Variants in GLO1 observed in about 807,000 individuals in gnomAD.
The protein encoded by GLO1 is lactoylglutathione lyase.
In GLO1, 28 loss-of-function variants were observed where a neutral mutation model predicts 26.0. The observed-to-expected ratio is 1.08, with a 90% CI of 0.80 to 1.48. The LOEUF (loss-of-function observed/expected upper bound fraction) is 1.48. Ranked by LOEUF, GLO1 falls within the 40% of genes most tolerant of loss-of-function variation. GLO1 has a pLI of 0.00. For synonymous variants in GLO1, 78 were observed against 77.6 expected (o/e 1.00, Z -0.03); for missense variants, 225 against 224.8 (o/e 1.00, Z -0.01).
chr6:38,679,492 T>TAG (rs1187708033), intron 5 of GLO1, among the ~76,000 whole-genome samples: 14 of 152,220 alleles, frequency 9.2e-5, no homozygotes, highest in Admixed American at 7.2e-4. Flanking sequence ...AAGGACTATT[T>TAG]AGACATGTAA....
At chr6:38,690,098 A>G (rs1761510376) in intron 1 of GLO1, among the ~76,000 whole-genome samples, 1 of 152,174 alleles carries the variant, frequency 6.6e-6, no homozygotes, top group African/African-American at 2.4e-5. Flanking sequence ...ATATTCTTTG[A>G]CCAAGATGTT....
intron 1 of GLO1, among the ~76,000 whole-genome samples, chr6:38,702,162 C>T (rs1313555182): frequency 6.6e-6 from 1 of 151,996 alleles, no homozygotes; most frequent in African/African-American, 2.4e-5. Flanking sequence ...CTCTTGACCT[C>T]GTGATCCGCC....
Position 38,696,016 on chromosome 6 carries a change from CA to C in GLO1, c.84+6954del, listed in dbSNP as rs1370839932. 6.6e-5 allele frequency among the ~76,000 whole-genome samples: 10 copies of C among 152,252 alleles called. No homozygotes were observed. In the East Asian group the frequency reaches 1.9e-3, roughly 29 times the overall value. Reference sequence around the variant, plus strand: ...CTTCTCACCACCTTTCAGAGTCTTCCAATGTTTGTCTTATATATCATGTCCA... The same window carrying C: ...CTTCTCACCACCTTTCAGAGTCTTCCATGTTTGTCTTATATATCATGTCCA... On this transcript the variant is annotated intron_variant, in intron 1 of 5. Transcript: ENST00000373365.
intron 2 of GLO1, among the ~76,000 whole-genome samples, chr6:38,685,915 G>A (rs192960326): frequency 9.6e-4 from 146 of 152,314 alleles, no homozygotes; most frequent in African/African-American, 3.2e-3. Context: ...GGGATTTGGA[G>A]CTAGTAACTT....
intron 5 of GLO1, among the ~76,000 whole-genome samples, chr6:38,678,990 G>A (rs970468146): frequency 1.3e-5 from 2 of 150,554 alleles, no homozygotes; most frequent in East Asian, 1.9e-4. Context: ...TTAGAATAGC[G>A]AACAGTTGCA....
chr6:38,700,709 C>T (rs780491535), intron 1 of GLO1, among the ~76,000 whole-genome samples: 3 of 151,946 alleles, frequency 2.0e-5, no homozygotes, highest in East Asian at 1.9e-4. Context: ...CCCAGTATCC[C>T]CAAAGTACTT....
At position 38,681,305 on chromosome 6, in the gene GLO1, G is replaced by A. The variant is rs187745102; in HGVS notation, c.466+707C>T. On this transcript the variant is annotated intron_variant, in intron 5 of 5. Coordinates refer to ENST00000373365, the MANE Select transcript of GLO1 (RefSeq NM_006708.3). ...TCTGGATCTCCTGACCTCGTGATCC[G>A]CCCGCCTTGGCCTCCCAAAGTGTTG... Among the ~76,000 whole-genome samples the A allele has an allele frequency of 1.7e-4, 26 of 152,254 alleles. No homozygotes were observed. In the South Asian group the frequency reaches 1.9e-3, roughly 11 times the overall value.
At chr6:38,695,391 A>G (rs1761595621) in intron 1 of GLO1, among the ~76,000 whole-genome samples, 1 of 151,954 alleles carries the variant, frequency 6.6e-6, no homozygotes, top group Non-Finnish European at 1.5e-5. Flanking sequence ...ATATGTATAC[A>G]CACACACACA....
intron 1 of GLO1, among the ~76,000 whole-genome samples, chr6:38,696,668 G>T (rs892973005): frequency 2.0e-5 from 3 of 152,118 alleles, no homozygotes; most frequent in Non-Finnish European, 4.4e-5. Flanking sequence ...CAGGGATTAG[G>T]ATTTCAACAC....
At chr6:38,678,870 TA>T (rs3839537) in intron 5 of GLO1, among the ~76,000 whole-genome samples, 5,711 of 152,272 alleles carry the variant, frequency 0.038, 153 homozygotes, top group Admixed American at 0.071. Flanking sequence ...GTCTCATTTC[TA>T]GGTGCCTAGG....
chr6:38,696,258 CA>C (rs2127548586), intron 1 of GLO1, among the ~76,000 whole-genome samples: 1 of 151,464 alleles, frequency 6.6e-6, no homozygotes, highest in African/African-American at 2.4e-5. Flanking sequence ...TTTCTCCCTA[CA>C]AAATCTCAAA....
At position 38,699,691 on chromosome 6, in the gene GLO1, C is replaced by T. The variant is rs545025381; in HGVS notation, c.84+3280G>A. On this transcript the variant is annotated intron_variant, in intron 1 of 5. Coordinates refer to ENST00000373365, the MANE Select transcript of GLO1 (RefSeq NM_006708.3). ...TGAGGTTGAGATAAGGACTGAGATA[C>T]GCCCTCGTCTCCTGCAGTACCCTCA... Among the ~76,000 whole-genome samples, 67 of 152,234 alleles carry T rather than the reference C, an allele frequency of 4.4e-4. 1 individual carries two copies. The highest frequency in any genetic ancestry group is 4.4e-4 in the Non-Finnish European group (30 of 68,014).
chr6:38,684,263 C>A, intron 3 of GLO1, 111 bp downstream of exon 3: 1 of 408,286 alleles, frequency 2.4e-6, no homozygotes, highest in Non-Finnish European at 4.1e-6. Context: ...AATGTGAAGT[C>A]ATAGGCAGAT....
intron 3 of GLO1, among the ~76,000 whole-genome samples, chr6:38,683,990 A>T (rs1761426887): frequency 6.6e-6 from 1 of 152,136 alleles, no homozygotes; most frequent in Non-Finnish European, 1.5e-5. Flanking sequence ...CGGGCGGATC[A>T]CTTGAGGCCA....
At chr6:38,697,417 T>C (rs915235203) in intron 1 of GLO1, among the ~76,000 whole-genome samples, 9 of 152,136 alleles carry the variant, frequency 5.9e-5, no homozygotes, top group African/African-American at 2.2e-4. Context: ...TCACACTGGA[T>C]ATGAATGAGA....
In GLO1 at chr6:38,695,326, C is replaced by T. The variant is rs181211447; in HGVS notation, c.84+7645G>A. 1.9e-3 allele frequency among the ~76,000 whole-genome samples: 284 copies of T among 151,930 alleles called. 2 individuals carry two copies. The highest frequency in any genetic ancestry group is 6.3e-3 in the African/African-American group (259 of 41,434). On this transcript the variant is annotated intron_variant, in intron 1 of 5. Transcript: ENST00000373365. The stretch of plus-strand genomic sequence containing the variant: ...TACATATGGCATATATATACATATA[C>T]GCATACACATATATACAGACATACA...
At position 38,684,386 on chromosome 6, in the gene GLO1, A is replaced by C; in HGVS notation, c.296T>G (p.Leu99Arg). Residue 99 changes from leucine (L) to arginine (R), a missense_variant, in exon 3 of 6, where the codon CTT becomes CGT. Coordinates refer to ENST00000373365, the MANE Select transcript of GLO1 (RefSeq NM_006708.3). ...AACTCATACTCACTGTGTCAGCTCA[A>C]GTGTAGCTTTTCTGGAGAGCGCCCA... Reference protein sequence around the residue: ...IAWALSRKATLELTHNWGTED... With the variant: ...IAWALSRKATRELTHNWGTED... 1 of 1,505,460 alleles carries C rather than the reference A, an allele frequency of 6.6e-7. No homozygotes were observed. Among genetic ancestry groups the C allele is most frequent in the Non-Finnish European group, 8.9e-7 (1 of 1,121,316 alleles). The allele number at this position is 1,505,460 out of a possible 1,614,324, so 93.3% of individuals were successfully genotyped here. A position where few individuals can be genotyped will look rare whatever the true frequency, so the allele number is the denominator to read the frequency against.
intron 1 of GLO1, among the ~76,000 whole-genome samples, chr6:38,698,153 T>G (rs1376938426): frequency 1.3e-5 from 2 of 152,132 alleles, no homozygotes; most frequent in Non-Finnish European, 2.9e-5. Context: ...TAATGGGAAT[T>G]CTCATCTTTT....
At chr6:38,694,175 C>T (rs1245031891) in intron 1 of GLO1, among the ~76,000 whole-genome samples, 1 of 152,002 alleles carries the variant, frequency 6.6e-6, no homozygotes, top group African/African-American at 2.4e-5. Flanking sequence ...TACATCATTC[C>T]ATTCTTTTAA....
Sources: gnomAD v4.1 joint callset for allele counts (sites outside exome capture counted in the v4.1 genomes callset) on GRCh38, gnomAD v4.1.1 for gene constraint, MANE v1.5 for transcripts, NCBI Gene and HGNC (gene_info 2026-07-23, HGNC 2026-07-21) for gene names.